Variants in HIVEP3 observed in about 807,000 individuals in gnomAD.
The protein encoded by HIVEP3 is transcription factor HIVEP3.
Under a neutral mutation model 152.8 loss-of-function variants are expected in HIVEP3, and 49 were observed. The observed-to-expected ratio is 0.32, with a 90% CI of 0.26 to 0.41. The LOEUF (loss-of-function observed/expected upper bound fraction) is 0.41, where lower values mean the gene tolerates loss of function less well. Among genes scored for constraint, HIVEP3 ranks in the 10% least tolerant of loss-of-function variants. The probability of loss-of-function intolerance (pLI) is 1.00; values close to 1 mark genes in which losing one functional copy is unlikely to be tolerated. For missense variants in HIVEP3, 2,790 were observed against 3,103.3 expected (o/e 0.90, Z 2.40); for synonymous variants, 1,269 against 1,289.0 (o/e 0.98, Z 0.33).
At chr1:41,937,879 A>G (rs1645027477) in intron 1 of HIVEP3, among the ~76,000 whole-genome samples, 1 of 152,248 alleles carries the variant, frequency 6.6e-6, no homozygotes, top group Non-Finnish European at 1.5e-5. Flanking sequence ...ACAACCAATC[A>G]TGAGCACTTG....
At position 41,583,579 on chromosome 1, in the gene HIVEP3, G is replaced by C. The variant is rs41269477; in HGVS notation, c.1219C>G (p.Pro407Ala). ...GCGTAGGACTTGGCGTTGGTGTTTG[G>C]GGGGCTGACCTGCTGCTCTGCACTC... ...SESAEQQVSP[P>A]NTNAKSYAEI... The change falls in exon 4 of 9, where the codon CCA becomes GCA. Residue 407 changes from proline to alanine, a missense_variant. Coordinates refer to ENST00000372583, the MANE Select transcript of HIVEP3 (RefSeq NM_024503.5). This position sits in a 1 kb window ranked among gnomAD's most constrained non-coding sequence, Gnocchi z 6.9. 1.1e-5 allele frequency: 17 copies of C among 1,614,100 alleles called. No homozygotes were observed. The highest frequency in any genetic ancestry group is 1.4e-5 in the Non-Finnish European group (16 of 1,179,998).
chr1:41,807,144 T>C (rs1426283670), intron 1 of HIVEP3, among the ~76,000 whole-genome samples: 1 of 152,096 alleles, frequency 6.6e-6, no homozygotes, highest in Non-Finnish European at 1.5e-5. Flanking sequence ...CATTTAGTCT[T>C]CTCCTGTGGC....
intron 2 of HIVEP3, among the ~76,000 whole-genome samples, chr1:41,686,061 GTT>G (rs1198331373): frequency 6.7e-6 from 1 of 149,338 alleles, no homozygotes; most frequent in Non-Finnish European, 1.5e-5. Flanking sequence ...TTGTTTGTTT[GTT>G]TTGTTTTGTT....
chr1:41,828,972 C>T (rs1355992339), intron 1 of HIVEP3, among the ~76,000 whole-genome samples: 2 of 152,328 alleles, frequency 1.3e-5, no homozygotes, highest in Middle Eastern at 3.4e-3. Context: ...GCCAACATTG[C>T]CCAACCCTCC....
At chr1:41,893,418 G>T (rs1644477893) in intron 1 of HIVEP3, among the ~76,000 whole-genome samples, 1 of 152,166 alleles carries the variant, frequency 6.6e-6, no homozygotes, top group Admixed American at 6.5e-5. Flanking sequence ...ACTCATCAAT[G>T]TCTGAAGACA....
At chr1:41,874,263 A>G (rs549127363) in intron 1 of HIVEP3, among the ~76,000 whole-genome samples, 112 of 152,358 alleles carry the variant, frequency 7.4e-4, no homozygotes, top group African/African-American at 2.4e-3. Context: ...GGGAGAGGAA[A>G]TGCATTTACT....
chr1:41,779,867 C>A (rs1442963516), intron 1 of HIVEP3, among the ~76,000 whole-genome samples: 1 of 152,170 alleles, frequency 6.6e-6, no homozygotes, highest in Non-Finnish European at 1.5e-5. Context: ...GTGGAAAGGG[C>A]ACAGGCTTTG....
chr1:41,740,338 T>C (rs1646978797), intron 1 of HIVEP3, among the ~76,000 whole-genome samples: 1 of 152,238 alleles, frequency 6.6e-6, no homozygotes, highest in African/African-American at 2.4e-5. Flanking sequence ...GATGAGTTAA[T>C]GTAGGTGGGA....
chr1:41,538,633 T>C (rs528525904), intron 5 of HIVEP3, among the ~76,000 whole-genome samples: 3 of 152,180 alleles, frequency 2.0e-5, no homozygotes, highest in South Asian at 2.1e-4. Context: ...TTGGATATGA[T>C]AGGTGGAGGT....
chr1:41,649,437 A>C (rs953735690), intron 2 of HIVEP3, among the ~76,000 whole-genome samples: 12 of 152,362 alleles, frequency 7.9e-5, no homozygotes, highest in South Asian at 2.1e-4. Context: ...CCACACTGCA[A>C]GAAATCCCTC....
At chr1:41,656,950 TG>T (rs1254335854) in intron 2 of HIVEP3, among the ~76,000 whole-genome samples, 2 of 152,236 alleles carry the variant, frequency 1.3e-5, no homozygotes, top group South Asian at 4.2e-4. Flanking sequence ...AATATTCCTC[TG>T]GGGAAGTAAC....
At chr1:41,824,778 T>TAGAG (rs1642730594) in intron 1 of HIVEP3, among the ~76,000 whole-genome samples, 17 of 12,756 alleles carry the variant, frequency 1.3e-3, no homozygotes, top group Non-Finnish European at 2.1e-3. Flanking sequence ...TATATATATA[T>TAGAG]ATATATAGAG....
At chr1:41,721,015 G>A (rs1276031614) in intron 1 of HIVEP3, among the ~76,000 whole-genome samples, 1 of 152,222 alleles carries the variant, frequency 6.6e-6, no homozygotes, top group Non-Finnish European at 1.5e-5. Flanking sequence ...GCAGACAGTA[G>A]AATAGTGGGT....
At chr1:41,970,268 C>A (rs1645221531) in intron 1 of HIVEP3, among the ~76,000 whole-genome samples, 1 of 152,068 alleles carries the variant, frequency 6.6e-6, no homozygotes, top group South Asian at 2.1e-4. Context: ...ATTACAATAG[C>A]AAAGACATGG....
chr1:41,523,060 A>G (rs192028877), intron 6 of HIVEP3, among the ~76,000 whole-genome samples: 8 of 152,366 alleles, frequency 5.3e-5, no homozygotes, highest in East Asian at 1.9e-4. Context: ...TTCTGGGATC[A>G]CTTTCTTCAC....
chr1:41,763,502 T>C (rs1263039395), intron 1 of HIVEP3, among the ~76,000 whole-genome samples: 2 of 152,210 alleles, frequency 1.3e-5, no homozygotes, highest in African/African-American at 4.8e-5. Flanking sequence ...CCTGACTTCA[T>C]GTCCCCTACA....
rs577483968 is a variant in HIVEP3, at chr1:41,525,193, G to C, written c.5208-283C>G. Reference sequence around the variant, plus strand: ...CCACTGAGGGGATGTGGAGCTGCAGGGTGCCAGACAGCCTCCTTGGCACAG... The same window carrying C: ...CCACTGAGGGGATGTGGAGCTGCAGCGTGCCAGACAGCCTCCTTGGCACAG... On this transcript the variant is annotated intron_variant, in intron 5 of 8. Transcript: ENST00000372583. 1.2e-4 allele frequency among the ~76,000 whole-genome samples: 18 copies of C among 152,272 alleles called. No individual in the cohort carries two copies. The East Asian group carries it at 3.1e-3, about 26-fold the overall frequency.
chr1:41,994,319 A>C (rs1030218212), intron 1 of HIVEP3, among the ~76,000 whole-genome samples: 1 of 152,046 alleles, frequency 6.6e-6, no homozygotes, highest in Non-Finnish European at 1.5e-5. Flanking sequence ...TATAAGCAGA[A>C]GCAACATCAG....
intron 5 of HIVEP3, among the ~76,000 whole-genome samples, chr1:41,563,428 C>T (rs768035996): frequency 2.0e-5 from 3 of 152,034 alleles, no homozygotes; most frequent in Non-Finnish European, 4.4e-5. Context: ...TGCAGAGACC[C>T]CTCCTTCTTC....
Sources: gnomAD v4.1 joint callset for allele counts (sites outside exome capture counted in the v4.1 genomes callset) on GRCh38, gnomAD v4.1.1 for gene constraint, Gnocchi (gnomAD v3.1) non-coding constraint, MANE v1.5 for transcripts, NCBI Gene and HGNC (gene_info 2026-07-23, HGNC 2026-07-21) for gene names.